The following ATP10D variants were observed in gnomAD, a reference collection of about 807,000 sequenced individuals.
ATP10D encodes the protein phospholipid-transporting ATPase VD.
ATP10D carries 89 observed loss-of-function variants against 144.8 expected under a neutral mutation model. That is an observed-to-expected ratio of 0.61 (90% CI 0.52 to 0.73). The LOEUF (loss-of-function observed/expected upper bound fraction) is 0.73. Among genes scored for constraint, ATP10D ranks in the 30% least tolerant of loss-of-function variants. ATP10D has a pLI of 0.00. For synonymous variants in ATP10D, 571 were observed against 615.1 expected, an observed-to-expected ratio of 0.93 and a Z score of 1.06; for missense variants, 1,603 against 1,714.8, an observed-to-expected ratio of 0.93 and a Z score of 1.15.
intron 18 of ATP10D, among the ~76,000 whole-genome samples, chr4:47,573,445 A>T (rs1394108479): frequency 6.6e-6 from 1 of 152,214 alleles, no homozygotes; most frequent in African/African-American, 2.4e-5. Flanking sequence ...AAAACCTAGT[A>T]TGTCTTAGCG....
At position 47,564,537 on chromosome 4, in the gene ATP10D, C is replaced by A. The variant is rs1025315292; in HGVS notation, c.2853+772C>A. 2.0e-5 allele frequency among the ~76,000 whole-genome samples: 3 copies of A among 151,910 alleles called. No individual in the cohort carries two copies. In the East Asian group the frequency reaches 5.8e-4, roughly 29 times the overall value. ...ATTCTAAAAATAGACTCAGGGAAATCGTGCCCTCTTGTGGTAATTCCTAGG... is the reference window on the plus strand; with the variant it reads ...ATTCTAAAAATAGACTCAGGGAAATAGTGCCCTCTTGTGGTAATTCCTAGG... On this transcript the variant is annotated intron_variant, in intron 15 of 22. Transcript: ENST00000273859.
At chr4:47,529,438 CAGTT>C (rs1717441936) in intron 5 of ATP10D, among the ~76,000 whole-genome samples, 1 of 152,114 alleles carries the variant, frequency 6.6e-6, no homozygotes, top group Non-Finnish European at 1.5e-5. Flanking sequence ...TGTCAAATAT[CAGTT>C]GGTTGTAGAC....
intron 13 of ATP10D, 57 bp from the exon 14 acceptor site, chr4:47,560,892 G>A (rs1046192383): frequency 6.2e-7 from 1 of 1,605,596 alleles, no homozygotes; most frequent in Non-Finnish European, 8.5e-7. Flanking sequence ...GTCAGTCCTG[G>A]TATTCCCACA....
intron 22 of ATP10D, among the ~76,000 whole-genome samples, chr4:47,588,147 C>A (rs1720874784): frequency 6.6e-6 from 1 of 152,118 alleles, no homozygotes; most frequent in Non-Finnish European, 1.5e-5. Context: ...CCTCCCTTAT[C>A]TGAGTTCAGT....
At chr4:47,556,184 T>A (rs1261356113) in intron 11 of ATP10D, among the ~76,000 whole-genome samples, 1 of 152,228 alleles carries the variant, frequency 6.6e-6, no homozygotes, top group Non-Finnish European at 1.5e-5. Flanking sequence ...TGTGTGTAAC[T>A]CTCTCACCTT....
intron 21 of ATP10D, among the ~76,000 whole-genome samples, chr4:47,584,376 GTTT>G (rs879568559): frequency 6.6e-6 from 1 of 151,746 alleles, no homozygotes; most frequent in Non-Finnish European, 1.5e-5. Flanking sequence ...TTTTGTTGTT[GTTT>G]TTTGTTTGTT....
chr4:47,545,692 C>G (rs528834611), intron 9 of ATP10D, among the ~76,000 whole-genome samples: 5 of 152,218 alleles, frequency 3.3e-5, no homozygotes, highest in Non-Finnish European at 7.3e-5. Context: ...CTATCAACTG[C>G]TGCTTTGAAG....
chr4:47,591,128 G>C lies in ATP10D; in HGVS notation c.4028G>C (p.Arg1343Thr). 1 of 1,613,436 alleles carries C rather than the reference G, an allele frequency of 6.2e-7. No homozygotes were observed. Among genetic ancestry groups the C allele is most frequent in the South Asian group, 1.1e-5 (1 of 91,068 alleles). Residue 1343 changes from arginine (R) to threonine (T), a missense_variant, in exon 23 of 23, where the codon AGG becomes ACG. By Grantham distance (71) the Arg-to-Thr change is moderately conservative. Transcript: ENST00000273859. Reference sequence around the variant, plus strand: ...TTTGACAGACTAACTCCAGAGGAGAGGACTAAAGCTCTCAAGAAGTGGAGA... The same window carrying C: ...TTTGACAGACTAACTCCAGAGGAGACGACTAAAGCTCTCAAGAAGTGGAGA... Reference protein sequence around the residue: ...KHFDRLTPEERTKALKKWRGA... With the variant: ...KHFDRLTPEETTKALKKWRGA...
rs372690498 is a variant in ATP10D, at chr4:47,569,027, A to C, written c.3044A>C (p.Gln1015Pro). Residue 1015 changes from glutamine (Q) to proline (P), a missense_variant, in exon 16 of 23, where the codon CAG becomes CCG. Coordinates refer to ENST00000273859, the MANE Select transcript of ATP10D (RefSeq NM_020453.4). The part of the protein sequence containing the change: ...EFALQESLQK[Q>P]FLELTSWCQA... ...GCCCTGCAAGAAAGTCTGCAAAAGCAGTTCCTGGAACTGACATCTTGGTGT... is the reference window on the plus strand; with the variant it reads ...GCCCTGCAAGAAAGTCTGCAAAAGCCGTTCCTGGAACTGACATCTTGGTGT... The C allele has an allele frequency of 2.5e-6, 4 of 1,614,256 alleles. No homozygotes were observed. Among genetic ancestry groups the C allele is most frequent in the Middle Eastern group, 1.7e-4 (1 of 6,060 alleles).
chr4:47,542,995 GTGTTTTGAAGTACAGTA>G (rs1718233110), intron 9 of ATP10D, among the ~76,000 whole-genome samples: 5 of 152,116 alleles, frequency 3.3e-5, no homozygotes, highest in Admixed American at 3.3e-4. Flanking sequence ...ATGTTTATAT[GTGTTTTGAAGTACAGTA>G]TTACCCCCTT....
intron 15 of ATP10D, among the ~76,000 whole-genome samples, chr4:47,565,528 T>G (rs1334449717): frequency 3.3e-5 from 5 of 152,078 alleles, no homozygotes; most frequent in Non-Finnish European, 5.9e-5. Flanking sequence ...CCTTAGGGAG[T>G]TACTTACCCT....
intron 5 of ATP10D, among the ~76,000 whole-genome samples, chr4:47,526,810 G>A (rs1451230528): frequency 6.6e-6 from 1 of 152,068 alleles, no homozygotes; most frequent in Non-Finnish European, 1.5e-5. Context: ...GACAAAAAAT[G>A]TGAGCTACCT....
At chr4:47,545,511 G>A (rs754248587) in intron 9 of ATP10D, among the ~76,000 whole-genome samples, 1 of 152,182 alleles carries the variant, frequency 6.6e-6, no homozygotes, top group Non-Finnish European at 1.5e-5. Flanking sequence ...CTTGGACTAA[G>A]GTAATGGATA....
chr4:47,586,710 C>T (rs1720808119), intron 21 of ATP10D, among the ~76,000 whole-genome samples: 1 of 152,040 alleles, frequency 6.6e-6, no homozygotes, highest in Non-Finnish European at 1.5e-5. Context: ...CAATGAGTGA[C>T]TACATGAAAA....
intron 9 of ATP10D, among the ~76,000 whole-genome samples, chr4:47,545,865 G>T (rs1450880817): frequency 6.6e-6 from 1 of 152,158 alleles, no homozygotes; most frequent in Non-Finnish European, 1.5e-5. Context: ...GATCTGGGAA[G>T]TCTTCACTTC....
intron 1 of ATP10D, among the ~76,000 whole-genome samples, chr4:47,494,180 A>G (rs892371345): frequency 1.3e-5 from 2 of 152,094 alleles, no homozygotes; most frequent in Non-Finnish European, 2.9e-5. Flanking sequence ...ATTAAACTAA[A>G]CTTTTGTGCA....
chr4:47,526,670 G>T (rs1012519909), intron 5 of ATP10D, among the ~76,000 whole-genome samples: 36 of 152,132 alleles, frequency 2.4e-4, no homozygotes, highest in African/African-American at 8.4e-4. Context: ...GTTTAGCAAT[G>T]TTGTAGAAAA....
At chr4:47,515,774 G>A (rs994242861) in intron 3 of ATP10D, 104 bp downstream of exon 3, 18 of 848,938 alleles carry the variant, frequency 2.1e-5, no homozygotes, top group Non-Finnish European at 3.0e-5. Flanking sequence ...CTTTTGTGGT[G>A]GTGTTGGTGT....
At chr4:47,564,090 C>G (rs959165405) in intron 15 of ATP10D, among the ~76,000 whole-genome samples, 1 of 152,156 alleles carries the variant, frequency 6.6e-6, no homozygotes, top group Admixed American at 6.5e-5. Context: ...CGGGGTTTCA[C>G]CTTGTTGGCC....
Sources: gnomAD v4.1 joint callset for allele counts (sites outside exome capture counted in the v4.1 genomes callset) on GRCh38, gnomAD v4.1.1 for gene constraint, MANE v1.5 for transcripts, NCBI Gene and HGNC (gene_info 2026-07-23, HGNC 2026-07-21) for gene names.